Variants in CRYBG1 observed in about 807,000 individuals in gnomAD.
CRYBG1 encodes beta/gamma crystallin domain-containing protein 1.
CRYBG1 carries 139 observed loss-of-function variants against 189.2 expected under a neutral mutation model. The ratio of observed to expected loss-of-function variants is 0.73; its 90% CI spans 0.64 to 0.85. CRYBG1 has a LOEUF of 0.85. CRYBG1 is among the 40% of genes least tolerant of loss of function. CRYBG1 has a pLI of 0.00. For synonymous variants in CRYBG1, 1,023 were observed against 1,017.1 expected, an observed-to-expected ratio of 1.01 and a Z score of -0.11; for missense variants, 2,611 against 2,675.8, an observed-to-expected ratio of 0.98 and a Z score of 0.53.
intron 1 of CRYBG1, among the ~76,000 whole-genome samples, chr6:106,398,056 G>A (rs112686338): frequency 0.02 from 3,059 of 151,960 alleles, 110 homozygotes; most frequent in African/African-American, 0.069. Context: ...TACCTAAATC[G>A]CTCTCACTGA....
At chr6:106,526,870 G>A (rs1773748484) in intron 6 of CRYBG1, among the ~76,000 whole-genome samples, 1 of 149,482 alleles carries the variant, frequency 6.7e-6, no homozygotes, top group Non-Finnish European at 1.5e-5. Context: ...GAACCAGGGA[G>A]GCGGAGGTTG....
intron 2 of CRYBG1, among the ~76,000 whole-genome samples, chr6:106,483,136 T>C (rs1011654816): frequency 6.6e-6 from 1 of 152,062 alleles, no homozygotes; most frequent in Non-Finnish European, 1.5e-5. Flanking sequence ...CTCTTCCCAT[T>C]CACCTCCAAT....
intron 1 of CRYBG1, among the ~76,000 whole-genome samples, chr6:106,380,314 G>C (rs1324024248): frequency 6.6e-6 from 1 of 152,146 alleles, no homozygotes; most frequent in East Asian, 1.9e-4. Context: ...GATTTGAAAA[G>C]GTTACTATTT....
chr6:106,541,480 C>A, intron 9 of CRYBG1, 106 bp from the exon 10 acceptor site: 2 of 1,092,254 alleles, frequency 1.8e-6, no homozygotes, highest in Non-Finnish European at 2.8e-6. Flanking sequence ...CAAACCAGAA[C>A]ATAGTCACAC....
At chr6:106,483,296 TC>T (rs1772509122) in intron 2 of CRYBG1, among the ~76,000 whole-genome samples, 1 of 151,242 alleles carries the variant, frequency 6.6e-6, no homozygotes, top group Non-Finnish European at 1.5e-5. Context: ...ATCTTCTGGG[TC>T]CATCCATATT....
In CRYBG1 at chr6:106,380,404, C is replaced by T. The variant is rs565520065; in HGVS notation, c.173+19323C>T. ...ACCCAGAGTAACTGAAATCCAGCTT[C>T]TCTGAGGCATCACAGCTTGGTGGTG... is the stretch of plus-strand genomic sequence containing the variant. On this transcript the variant is annotated intron_variant, in intron 1 of 21. Transcript: ENST00000633556. 2.0e-4 allele frequency among the ~76,000 whole-genome samples: 31 copies of T among 152,276 alleles called. 1 individual carries two copies. The South Asian group carries it at 6.4e-3, about 32-fold the overall frequency.
At chr6:106,465,409 T>C (rs111635815) in intron 2 of CRYBG1, among the ~76,000 whole-genome samples, 2 of 152,306 alleles carry the variant, frequency 1.3e-5, no homozygotes, top group East Asian at 1.9e-4. Flanking sequence ...GGAATGGGAA[T>C]TGGATTAGAT....
chr6:106,468,422 G>A (rs1381345765), intron 2 of CRYBG1, among the ~76,000 whole-genome samples: 2 of 152,204 alleles, frequency 1.3e-5, no homozygotes, highest in Non-Finnish European at 2.9e-5. Flanking sequence ...GCTGTCCAAA[G>A]GCCCAGGATG....
At chr6:106,462,834 A>G (rs781606095) in intron 2 of CRYBG1, among the ~76,000 whole-genome samples, 2 of 152,152 alleles carry the variant, frequency 1.3e-5, no homozygotes, top group African/African-American at 2.4e-5. Context: ...CCCAGACTTT[A>G]CTCATTATCC....
intron 1 of CRYBG1, among the ~76,000 whole-genome samples, chr6:106,431,997 G>C (rs752006744): frequency 4.6e-5 from 7 of 152,160 alleles, no homozygotes; most frequent in Non-Finnish European, 1.0e-4. Flanking sequence ...GTGCTTGTGG[G>C]TAGGACCCTG....
intron 3 of CRYBG1, among the ~76,000 whole-genome samples, chr6:106,517,607 AAGG>A (rs369099369): frequency 3.1e-4 from 47 of 152,086 alleles, no homozygotes; most frequent in African/African-American, 1.0e-3. Context: ...TTCTGCTTGA[AAGG>A]AGAGTGGACA....
chr6:106,511,628 CAG>C lies in CRYBG1; in HGVS notation c.514_515del (p.Ser172GlnfsTer36), dbSNP rs948082989. ...PERESERSRS[Q>X]SSQLKQTDTS... ...GAGAGAGAGTGAGAGGAGCAGATCTCAGAGCAGCCAACTGAAGCAAACGGACA... is the reference window on the plus strand; with the variant it reads ...GAGAGAGAGTGAGAGGAGCAGATCTCAGCAGCCAACTGAAGCAAACGGACA... On this transcript the variant is annotated frameshift_variant, in exon 3 of 22. Transcript: ENST00000633556. LOFTEE classifies it high-confidence loss of function. 43 of 1,535,750 alleles carry C rather than the reference CAG, an allele frequency of 2.8e-5. No individual in the cohort carries two copies. The highest frequency in any genetic ancestry group is 3.4e-5 in the Non-Finnish European group (39 of 1,146,716).
At position 106,527,443 on chromosome 6, in the gene CRYBG1, G is replaced by T; in HGVS notation, c.4551G>T (p.Val1517=). The change falls in exon 7 of 22, where the codon GTG becomes GTT. Residue 1517 remains valine (V), a synonymous_variant. Transcript: ENST00000633556. ...HEEAESDKPV[V]IGSIRHVVQD... is the part of the protein sequence containing the mutation. ...AAGCAGAGTCTGATAAGCCAGTGGT[G>T]ATTGGTTCCATCAGACATGTGGTTC... 1 of 1,611,876 alleles carries T rather than the reference G, an allele frequency of 6.2e-7. No individual in the cohort carries two copies. Among genetic ancestry groups the T allele is most frequent in the South Asian group, 1.1e-5 (1 of 90,844 alleles).
intron 9 of CRYBG1, among the ~76,000 whole-genome samples, chr6:106,539,849 A>T (rs1276848686): frequency 6.6e-6 from 1 of 152,242 alleles, no homozygotes; most frequent in Non-Finnish European, 1.5e-5. Context: ...CATTGGTGGA[A>T]AAACAGGACA....
At chr6:106,565,270 G>A (rs1340613916) in intron 21 of CRYBG1, among the ~76,000 whole-genome samples, 2 of 151,396 alleles carry the variant, frequency 1.3e-5, no homozygotes, top group Admixed American at 6.6e-5. Context: ...GCACTGAGCC[G>A]AGATTGTGCC....
chr6:106,483,756 C>T (rs927607027), intron 2 of CRYBG1, among the ~76,000 whole-genome samples: 1 of 152,080 alleles, frequency 6.6e-6, no homozygotes, highest in Non-Finnish European at 1.5e-5. Flanking sequence ...ATTTCTATTT[C>T]TCTGATGAAT....
intron 1 of CRYBG1, among the ~76,000 whole-genome samples, chr6:106,412,484 A>G (rs1770945225): frequency 6.6e-6 from 1 of 152,200 alleles, no homozygotes; most frequent in African/African-American, 2.4e-5. Flanking sequence ...ATTTCTTTAA[A>G]AATCTGACTT....
intron 1 of CRYBG1, among the ~76,000 whole-genome samples, chr6:106,424,993 C>T (rs1188325040): frequency 6.6e-6 from 1 of 152,176 alleles, no homozygotes; most frequent in Non-Finnish European, 1.5e-5. Flanking sequence ...TTTCTCTGAG[C>T]AAAACCTGTA....
At chr6:106,546,154 T>C (rs72941373) in intron 13 of CRYBG1, among the ~76,000 whole-genome samples, 6,687 of 152,250 alleles carry the variant, frequency 0.044, 189 homozygotes, top group Non-Finnish European at 0.061. Flanking sequence ...GTCTATCCCA[T>C]AGGAGCCACT....
Sources: allele counts gnomAD v4.1 joint callset (sites outside exome capture counted in the v4.1 genomes callset), GRCh38; gene constraint gnomAD v4.1.1; transcripts MANE v1.5; gene names NCBI Gene and HGNC (gene_info 2026-07-23, HGNC 2026-07-21).